Variants in CAST observed in about 807,000 individuals in gnomAD.
CAST encodes calpastatin.
In CAST, 76 loss-of-function variants were observed where a neutral mutation model predicts 119.6. The ratio of observed to expected loss-of-function variants is 0.64; its 90% CI spans 0.53 to 0.77. CAST has a LOEUF of 0.77. Among genes scored for constraint, CAST ranks in the 30% least tolerant of loss-of-function variants. CAST has a pLI of 0.00. For synonymous variants in CAST, 319 were observed against 331.6 expected, an observed-to-expected ratio of 0.96 and a Z score of 0.41; for missense variants, 953 against 946.5, an observed-to-expected ratio of 1.01 and a Z score of -0.09.
intron 1 of CAST, among the ~76,000 whole-genome samples, chr5:96,555,420 G>T (rs1222162653): frequency 6.6e-6 from 1 of 152,178 alleles, no homozygotes; most frequent in Non-Finnish European, 1.5e-5. Context: ...GCCGAAGCAG[G>T]GTGAAGCATC....
chr5:96,109,061 C>T, the CAST span, among the ~76,000 whole-genome samples: 86 of 152,340 alleles, frequency 5.6e-4, no homozygotes, highest in East Asian at 2.3e-3. Context: ...CTGAGTGAGG[C>T]AATGCCTCGC....
At chr5:96,397,514 A>G in the CAST span, 1 of 1,533,598 alleles carries the variant, frequency 6.5e-7, no homozygotes, top group Non-Finnish European at 9.0e-7. Context: ...TAGCTCTGAT[A>G]GTAGGATACA....
intron 1 of CAST, among the ~76,000 whole-genome samples, chr5:96,535,910 G>A (rs772893781): frequency 6.6e-6 from 1 of 151,500 alleles, no homozygotes; most frequent in South Asian, 2.1e-4. Context: ...GTCCTCAGTG[G>A]TACCTACTTT....
chr5:96,519,160 G>C, the CAST span, among the ~76,000 whole-genome samples: 1 of 152,208 alleles, frequency 6.6e-6, no homozygotes, highest in East Asian at 1.9e-4. Context: ...TTGATACACA[G>C]AGGGTCAACC....
At chr5:96,442,596 A>G in the CAST span, among the ~76,000 whole-genome samples, 3 of 152,210 alleles carry the variant, frequency 2.0e-5, no homozygotes, top group Admixed American at 6.5e-5. Context: ...TCATTTTCAG[A>G]TGGTTTACTA....
At chr5:96,202,267 G>A in the CAST span, among the ~76,000 whole-genome samples, 1 of 151,916 alleles carries the variant, frequency 6.6e-6, no homozygotes, top group Non-Finnish European at 1.5e-5. Flanking sequence ...CAGTTAATAT[G>A]ATATTATTAA....
chr5:96,498,649 A>G, the CAST span, among the ~76,000 whole-genome samples: 1 of 152,240 alleles, frequency 6.6e-6, no homozygotes, highest in Non-Finnish European at 1.5e-5. Context: ...AGATAATACA[A>G]TTGTACCATT....
At chr5:96,049,859 A>G in the CAST span, among the ~76,000 whole-genome samples, 400 of 131,982 alleles carry the variant, frequency 3.0e-3, 1 homozygote, top group Non-Finnish European at 4.4e-3. Context: ...CATAGAGAGC[A>G]TTTTAAGAGA....
the CAST span, among the ~76,000 whole-genome samples, chr5:96,383,603 G>C: frequency 2.6e-5 from 4 of 152,104 alleles, no homozygotes; most frequent in African/African-American, 4.8e-5. Flanking sequence ...AGGCCACCAC[G>C]CCCAGCTAAT....
At chr5:96,614,051 A>C (rs561175418) in intron 1 of CAST, among the ~76,000 whole-genome samples, 2 of 152,326 alleles carry the variant, frequency 1.3e-5, no homozygotes, top group Admixed American at 1.3e-4. Flanking sequence ...GTATAAAGTA[A>C]CTAACAATAT....
chr5:95,991,173 A>T, the CAST span, among the ~76,000 whole-genome samples: 5 of 152,240 alleles, frequency 3.3e-5, no homozygotes, highest in Non-Finnish European at 7.3e-5. Flanking sequence ...AGAATTAAAT[A>T]TATGGTTCTC....
the CAST span, among the ~76,000 whole-genome samples, chr5:96,474,294 C>G: frequency 6.6e-6 from 1 of 152,086 alleles, no homozygotes. Flanking sequence ...CCCGCTTGCA[C>G]CACACACAGA....
intron 18 of CAST, among the ~76,000 whole-genome samples, chr5:96,747,844 A>G (rs915136199): frequency 6.6e-6 from 1 of 152,194 alleles, no homozygotes; most frequent in Non-Finnish European, 1.5e-5. Context: ...TCAATGAATG[A>G]GGACGGTACT....
chr5:96,362,927 G>A, the CAST span, among the ~76,000 whole-genome samples: 1 of 152,114 alleles, frequency 6.6e-6, no homozygotes. Flanking sequence ...TGTCCTGAAT[G>A]GTATTGCTAA....
chr5:96,599,973 A>AAAAAAAAAAAG (rs1319922230), intron 1 of CAST, among the ~76,000 whole-genome samples: 2 of 90,084 alleles, frequency 2.2e-5, no homozygotes, highest in Non-Finnish European at 3.1e-5. Context: ...AGGCAAAAAA[A>AAAAAAAAAAAG]AAAAAAAAAA....
At chr5:96,135,160 A>G in the CAST span, among the ~76,000 whole-genome samples, 1 of 152,180 alleles carries the variant, frequency 6.6e-6, no homozygotes, top group South Asian at 2.1e-4. Flanking sequence ...CCTCAAAGCT[A>G]TGGAAACCCA....
the CAST span, among the ~76,000 whole-genome samples, chr5:96,011,820 A>G: frequency 6.6e-6 from 1 of 152,204 alleles, no homozygotes; most frequent in Non-Finnish European, 1.5e-5. Context: ...GTTGAAAATA[A>G]TAATGCTTGT....
chr5:96,240,481 T>A, the CAST span, among the ~76,000 whole-genome samples: 3 of 152,232 alleles, frequency 2.0e-5, no homozygotes, highest in East Asian at 5.8e-4. Context: ...TGCAGCTGTG[T>A]CCAGCTTCCT....
the CAST span, among the ~76,000 whole-genome samples, chr5:96,082,963 A>C: frequency 6.6e-6 from 1 of 152,206 alleles, no homozygotes; most frequent in African/African-American, 2.4e-5. Flanking sequence ...TAAGTTAGAA[A>C]TATTTAGAAA....
Sources: allele counts gnomAD v4.1 joint callset (sites outside exome capture counted in the v4.1 genomes callset), GRCh38; gene constraint gnomAD v4.1.1; transcripts MANE v1.5; gene names NCBI Gene and HGNC (gene_info 2026-07-23, HGNC 2026-07-21).